The following SAMD12 variants were observed in gnomAD, a reference collection of about 807,000 sequenced individuals.
SAMD12 encodes sterile alpha motif domain-containing protein 12.
A neutral mutation model predicts 15.0 loss-of-function variants in SAMD12; 9 were observed. That is an observed-to-expected ratio of 0.60 (90% confidence interval 0.36 to 1.05). The LOEUF is 1.05. Among genes scored for constraint, SAMD12 ranks in the 50% least tolerant of loss-of-function variants. The probability of loss-of-function intolerance (pLI) is 0.01; values close to 1 mark genes in which losing one functional copy is unlikely to be tolerated. For missense variants in SAMD12, 230 were observed against 234.2 expected (o/e 0.98, Z 0.12); for synonymous variants, 86 against 90.1 (o/e 0.96, Z 0.25).
At chr8:118,332,107 G>C (rs1236557907) in intron 4 of SAMD12, among the ~76,000 whole-genome samples, 1 of 152,106 alleles carries the variant, frequency 6.6e-6, no homozygotes, top group Non-Finnish European at 1.5e-5. Context: ...AAAAAAGGGG[G>C]ACAAAGGGAA....
At chr8:118,547,572 G>T (rs894136938) in intron 2 of SAMD12, among the ~76,000 whole-genome samples, 1 of 152,050 alleles carries the variant, frequency 6.6e-6, no homozygotes, top group African/African-American at 2.4e-5. Flanking sequence ...ATACAGGTTG[G>T]GCAAAGTATT....
chr8:118,160,885 T>G, the SAMD12 span, among the ~76,000 whole-genome samples: 9 of 152,162 alleles, frequency 5.9e-5, no homozygotes, highest in African/African-American at 1.2e-4. Context: ...TTGGTGTGCT[T>G]CACCCATTAA....
At chr8:118,217,610 G>A (rs1171819827) in intron 4 of SAMD12, among the ~76,000 whole-genome samples, 1 of 152,184 alleles carries the variant, frequency 6.6e-6, no homozygotes, top group East Asian at 1.9e-4. Context: ...GCTATTGCAT[G>A]GACTAGTCCT....
At chr8:118,387,423 T>G (rs1407432079) in intron 3 of SAMD12, among the ~76,000 whole-genome samples, 1 of 151,636 alleles carries the variant, frequency 6.6e-6, no homozygotes, top group Non-Finnish European at 1.5e-5. Context: ...TGTTCCTTGA[T>G]TGGCCACCAC....
At chr8:118,353,677 G>T (rs1472592127) in intron 4 of SAMD12, among the ~76,000 whole-genome samples, 1 of 152,006 alleles carries the variant, frequency 6.6e-6, no homozygotes, top group Non-Finnish European at 1.5e-5. Flanking sequence ...AAACATTAAG[G>T]GGGGAAAATA....
intron 4 of SAMD12, among the ~76,000 whole-genome samples, chr8:118,223,580 C>G (rs930077923): frequency 6.6e-6 from 1 of 152,196 alleles, no homozygotes; most frequent in Admixed American, 6.6e-5. Context: ...TGGAGACAGT[C>G]TTCTGTTAGA....
At chr8:118,474,793 C>T (rs957173514) in intron 2 of SAMD12, among the ~76,000 whole-genome samples, 1 of 152,150 alleles carries the variant, frequency 6.6e-6, no homozygotes, top group Non-Finnish European at 1.5e-5. Flanking sequence ...GCACTCTAAA[C>T]CTCTTGCTAA....
rs187535302 is a variant in SAMD12 at position 118,466,191 on chromosome 8, A to G, written c.193-26230T>C. 2.0e-5 allele frequency among the ~76,000 whole-genome samples: 3 copies of G among 152,358 alleles called. No homozygotes were observed. The East Asian group carries it at 5.8e-4, about 29-fold the overall frequency. ...TGTAAAAGAGAAAAAGGAAGTCTCCAGGCAGGTCCAATAGCCTATAGAACA... is the reference window on the plus strand; with the variant it reads ...TGTAAAAGAGAAAAAGGAAGTCTCCGGGCAGGTCCAATAGCCTATAGAACA... On this transcript the variant is annotated intron_variant, in intron 2 of 3. Coordinates refer to ENST00000314727, the MANE Select transcript of SAMD12 (RefSeq NM_207506.3).
At chr8:118,218,033 C>T (rs551943025) in intron 4 of SAMD12, among the ~76,000 whole-genome samples, 25 of 152,300 alleles carry the variant, frequency 1.6e-4, no homozygotes, top group Non-Finnish European at 3.4e-4. Flanking sequence ...GACTAGCATG[C>T]AGCTCACACC....
intron 1 of SAMD12, among the ~76,000 whole-genome samples, chr8:118,581,318 A>C (rs1338874404): frequency 6.6e-6 from 1 of 152,114 alleles, no homozygotes. Context: ...TTAGGCATCC[A>C]CTCAAGTCCA....
At chr8:118,381,531 C>T (rs1586636510) in intron 3 of SAMD12, among the ~76,000 whole-genome samples, 1 of 152,126 alleles carries the variant, frequency 6.6e-6, no homozygotes, top group East Asian at 1.9e-4. Flanking sequence ...CTTTCATTAT[C>T]CAGGTGAGTC....
downstream of SAMD12, chr8:118,375,808 T>A (rs1035406573): frequency 4.6e-5 from 7 of 152,190 alleles, no homozygotes; most frequent in African/African-American, 1.7e-4. Context: ...ATATTCCCTG[T>A]CCCACAGGTG....
chr8:118,287,287 G>C (rs1206235642), intron 4 of SAMD12, among the ~76,000 whole-genome samples: 1 of 119,710 alleles, frequency 8.4e-6, no homozygotes, highest in East Asian at 2.5e-4. Flanking sequence ...ACTGCGCCCG[G>C]CTAATTTTTT....
chr8:118,291,744 T>C (rs1814380407), intron 4 of SAMD12, among the ~76,000 whole-genome samples: 1 of 151,662 alleles, frequency 6.6e-6, no homozygotes, highest in African/African-American at 2.4e-5. Flanking sequence ...CCATGTAAAC[T>C]GTCATGTGTT....
chr8:118,501,820 T>C (rs1824789475), intron 2 of SAMD12, among the ~76,000 whole-genome samples: 1 of 151,938 alleles, frequency 6.6e-6, no homozygotes, highest in African/African-American at 2.4e-5. Flanking sequence ...ATCGAGACCA[T>C]CCTGGCTAAC....
In SAMD12 at chr8:118,571,593, A is replaced by C. The variant is rs149687995; in HGVS notation, c.192+9122T>G. Among the ~76,000 whole-genome samples, 671 of 152,308 alleles carry C rather than the reference A, an allele frequency of 4.4e-3. 6 individuals carry two copies. The highest frequency in any genetic ancestry group is 0.014 in the African/African-American group (594 of 41,578). ...AGGGTGCCCATGCTGTGTGCAGCTT[A>C]GGGACTTGGTGCCCAGCTGCTCTAG... On this transcript the variant is annotated intron_variant, in intron 2 of 3. Transcript: ENST00000314727.
the SAMD12 span, among the ~76,000 whole-genome samples, chr8:118,171,663 G>T: frequency 6.6e-6 from 1 of 151,722 alleles, no homozygotes; most frequent in African/African-American, 2.4e-5. Context: ...CAGGTCAGTG[G>T]TTGCCAGGGA....
chr8:118,230,613 C>G (rs1812291764), intron 4 of SAMD12, among the ~76,000 whole-genome samples: 2 of 151,908 alleles, frequency 1.3e-5, no homozygotes. Flanking sequence ...ACTCTACATT[C>G]TACAATCAGA....
chr8:118,477,888 G>A (rs1026026604), intron 2 of SAMD12, among the ~76,000 whole-genome samples: 4 of 151,830 alleles, frequency 2.6e-5, no homozygotes, highest in African/African-American at 9.7e-5. Flanking sequence ...GGCAGAGGGT[G>A]CCTGTAGTCC....
Sources: allele counts gnomAD v4.1 joint callset (sites outside exome capture counted in the v4.1 genomes callset), GRCh38; gene constraint gnomAD v4.1.1; transcripts MANE v1.5; gene names NCBI Gene and HGNC (gene_info 2026-07-23, HGNC 2026-07-21).